ROCK1: variants seen among roughly 807,000 people sequenced by gnomAD.
ROCK1 encodes rho-associated protein kinase 1.
In ROCK1, 36 loss-of-function variants were observed where a neutral mutation model predicts 196.8. That is an observed-to-expected ratio of 0.18 (90% CI 0.14 to 0.24). ROCK1 has a LOEUF of 0.24. Ranked by LOEUF, ROCK1 falls within the 10% of genes least tolerant of loss-of-function variation. The probability of loss-of-function intolerance (pLI) is 1.00; values close to 1 mark genes in which losing one functional copy is unlikely to be tolerated. For synonymous variants in ROCK1, 443 were observed against 515.9 expected (o/e 0.86, Z 1.91); for missense variants, 920 against 1,562.0 (o/e 0.59, Z 6.93).
intron 9 of ROCK1, among the ~76,000 whole-genome samples, chr18:21,034,917 A>T (rs1408855305): frequency 6.6e-6 from 1 of 152,180 alleles, no homozygotes; most frequent in Non-Finnish European, 1.5e-5. Flanking sequence ...AACTCCTATA[A>T]CTCAACAACA....
intron 1 of ROCK1, among the ~76,000 whole-genome samples, chr18:21,072,617 TTAACA>T (rs1297846295): frequency 6.6e-6 from 1 of 152,176 alleles, no homozygotes; most frequent in Non-Finnish European, 1.5e-5. Context: ...ACTCGGAATG[TTAACA>T]TAACATTCAT....
At chr18:20,960,510 A>G (rs1409736584) in intron 27 of ROCK1, among the ~76,000 whole-genome samples, 3 of 152,150 alleles carry the variant, frequency 2.0e-5, no homozygotes, top group African/African-American at 7.2e-5. Flanking sequence ...CTTAAATGGG[A>G]TATGATGTAG....
chr18:21,037,937 A>C (rs1286775999), intron 9 of ROCK1, among the ~76,000 whole-genome samples: 1 of 152,180 alleles, frequency 6.6e-6, no homozygotes, highest in African/African-American at 2.4e-5. Flanking sequence ...AATACATAAA[A>C]GGAAAAATAT....
At chr18:21,082,062 C>G (rs1375014419) in intron 1 of ROCK1, among the ~76,000 whole-genome samples, 1 of 152,122 alleles carries the variant, frequency 6.6e-6, no homozygotes. Flanking sequence ...AAGCTATCCT[C>G]CAGCCTCAGC....
intron 16 of ROCK1, among the ~76,000 whole-genome samples, chr18:21,000,081 C>T (rs537011299): frequency 6.6e-6 from 1 of 152,238 alleles, no homozygotes; most frequent in South Asian, 2.1e-4. Flanking sequence ...ATACGTAAAA[C>T]ATACTGAAGA....
At chr18:21,081,580 T>C (rs1326157326) in intron 1 of ROCK1, among the ~76,000 whole-genome samples, 1 of 152,054 alleles carries the variant, frequency 6.6e-6, no homozygotes, top group Non-Finnish European at 1.5e-5. Flanking sequence ...TGACCCAAAG[T>C]AGGTCTTCTG....
chr18:20,985,786 T>C (rs2143396145), intron 19 of ROCK1, among the ~76,000 whole-genome samples: 1 of 152,328 alleles, frequency 6.6e-6, no homozygotes, highest in African/African-American at 2.4e-5. Context: ...TTCTCTTCTT[T>C]CTAGTCCATT....
chr18:20,952,652 G>A (rs1288659430), intron 32 of ROCK1, among the ~76,000 whole-genome samples: 1 of 151,580 alleles, frequency 6.6e-6, no homozygotes, highest in Admixed American at 6.6e-5. Context: ...GCATGCGTCT[G>A]TAATCCCCGC....
At chr18:21,078,348 A>G (rs1433675696) in intron 1 of ROCK1, among the ~76,000 whole-genome samples, 2 of 143,000 alleles carry the variant, frequency 1.4e-5, no homozygotes, top group Admixed American at 7.1e-5. Flanking sequence ...ACCTACACAC[A>G]CACACACACA....
At chr18:21,005,225 T>C (rs1163829098) in intron 16 of ROCK1, among the ~76,000 whole-genome samples, 1 of 152,258 alleles carries the variant, frequency 6.6e-6, no homozygotes, top group Non-Finnish European at 1.5e-5. Flanking sequence ...TGTTCATTTA[T>C]TCACTTAGTT....
intron 11 of ROCK1, among the ~76,000 whole-genome samples, chr18:21,021,598 A>T (rs2035913630): frequency 6.6e-6 from 1 of 152,210 alleles, no homozygotes; most frequent in Non-Finnish European, 1.5e-5. Flanking sequence ...GCAATTGCAA[A>T]GTTGTTCAAT....
At chr18:21,047,400 C>T (rs779326870) in intron 4 of ROCK1, among the ~76,000 whole-genome samples, 1 of 151,998 alleles carries the variant, frequency 6.6e-6, no homozygotes, top group Non-Finnish European at 1.5e-5. Flanking sequence ...AAGGATAGCC[C>T]CCAACAACAA....
chr18:21,076,193 G>A (rs968929101), intron 1 of ROCK1, among the ~76,000 whole-genome samples: 5 of 152,134 alleles, frequency 3.3e-5, no homozygotes, highest in Non-Finnish European at 5.9e-5. Context: ...AATGATTAAT[G>A]CCACAGAACT....
Position 20,984,416 on chromosome 18 carries a change from T to C in ROCK1, c.2424A>G (p.Lys808=). 6.2e-7 allele frequency: 1 copy of C among 1,612,682 alleles called. No individual in the cohort carries two copies. ...DNLKGLEKQM[K]QEINTLLEAK... is the part of the protein sequence containing the mutation. ...CTTCCAATAAAGTATTTATTTCCTG[T>C]TTCATCTGCTTTTCTAAACCTTTTA... Residue 808 remains lysine (K), a synonymous_variant, in exon 20 of 33, where the codon AAA becomes AAG. Coordinates refer to ENST00000399799, the MANE Select transcript of ROCK1 (RefSeq NM_005406.3).
intron 16 of ROCK1, among the ~76,000 whole-genome samples, chr18:21,001,701 G>T (rs1226321936): frequency 6.6e-6 from 1 of 151,758 alleles, no homozygotes; most frequent in Non-Finnish European, 1.5e-5. Flanking sequence ...GGAGGCAGAG[G>T]TTGCAATGAG....
intron 1 of ROCK1, among the ~76,000 whole-genome samples, chr18:21,101,482 T>C (rs2036659229): frequency 6.6e-6 from 1 of 152,200 alleles, no homozygotes; most frequent in African/African-American, 2.4e-5. Flanking sequence ...ATCAAGCTTT[T>C]AGATCTAACT....
intron 18 of ROCK1, among the ~76,000 whole-genome samples, chr18:20,988,490 T>C (rs994806660): frequency 4.6e-5 from 7 of 152,180 alleles, no homozygotes; most frequent in Admixed American, 4.6e-4. Context: ...GTTCTCACTC[T>C]TGAAAGCATT....
chr18:21,021,080 A>C lies in ROCK1; in HGVS notation c.1273-841T>G, dbSNP rs558261621. ...GGATCTGATAAAAGGCAGAGGCTAC[A>C]GGAATGAAGAGGAAGTAATGGATAA... On this transcript the variant is annotated intron_variant, in intron 11 of 32. Coordinates refer to ENST00000399799, the MANE Select transcript of ROCK1 (RefSeq NM_005406.3). Among the ~76,000 whole-genome samples the C allele has an allele frequency of 2.0e-5, 3 of 152,346 alleles. No homozygotes were observed. The South Asian group carries it at 6.2e-4, about 32-fold the overall frequency.
intron 27 of ROCK1, among the ~76,000 whole-genome samples, chr18:20,961,543 C>CT (rs2035326616): frequency 1.3e-5 from 2 of 152,128 alleles, no homozygotes; most frequent in South Asian, 4.1e-4. Flanking sequence ...CAAGGCAACT[C>CT]TATCAGTATC....
Sources: gnomAD v4.1 joint callset for allele counts (sites outside exome capture counted in the v4.1 genomes callset) on GRCh38, gnomAD v4.1.1 for gene constraint, MANE v1.5 for transcripts, NCBI Gene and HGNC (gene_info 2026-07-23, HGNC 2026-07-21) for gene names.